FBN2: variants seen among roughly 807,000 people sequenced by gnomAD.
The protein encoded by FBN2 is fibrillin-2.
A neutral mutation model predicts 355.6 loss-of-function variants in FBN2; 105 were observed. The ratio of observed to expected loss-of-function variants is 0.30; its 90% confidence interval spans 0.25 to 0.35. FBN2 has a LOEUF of 0.35. FBN2 is among the 10% of genes least tolerant of loss of function. The probability of loss-of-function intolerance (pLI) is 1.00; values close to 1 mark genes in which losing one functional copy is unlikely to be tolerated. For synonymous variants in FBN2, 1,350 were observed against 1,301.2 expected, an observed-to-expected ratio of 1.04 and a Z score of -0.81; for missense variants, 3,280 against 3,758.7, an observed-to-expected ratio of 0.87 and a Z score of 3.33.
chr5:128,270,169 C>T (rs768861436), intron 62 of FBN2, among the ~76,000 whole-genome samples: 101 of 152,278 alleles, frequency 6.6e-4, no homozygotes, highest in Admixed American at 1.4e-3. Context: ...TGGACCCCTT[C>T]CTTACACCTT....
At chr5:128,432,098 A>G (rs1753642657) in intron 7 of FBN2, among the ~76,000 whole-genome samples, 1 of 152,148 alleles carries the variant, frequency 6.6e-6, no homozygotes, top group Non-Finnish European at 1.5e-5. Flanking sequence ...CTATTGAAAT[A>G]CCCTGAATCA....
intron 7 of FBN2, among the ~76,000 whole-genome samples, chr5:128,429,940 AC>A (rs1323891107): frequency 1.3e-5 from 2 of 152,196 alleles, no homozygotes; most frequent in Non-Finnish European, 2.9e-5. Context: ...CTGTTACAAA[AC>A]ATCTTCAAGC....
intron 5 of FBN2, among the ~76,000 whole-genome samples, chr5:128,492,405 C>T (rs1306686326): frequency 6.6e-6 from 1 of 152,140 alleles, no homozygotes; most frequent in Non-Finnish European, 1.5e-5. Flanking sequence ...TAGAGCACAC[C>T]TATTCTGCAC....
intron 11 of FBN2, among the ~76,000 whole-genome samples, chr5:128,382,592 T>G (rs1396115089): frequency 6.6e-6 from 1 of 152,006 alleles, no homozygotes; most frequent in Non-Finnish European, 1.5e-5. Context: ...CACCTAAAAC[T>G]CAGCATGTCC....
intron 5 of FBN2, among the ~76,000 whole-genome samples, chr5:128,475,170 A>T (rs1182853074): frequency 6.6e-6 from 1 of 152,156 alleles, no homozygotes; most frequent in Non-Finnish European, 1.5e-5. Flanking sequence ...GAGGCGCAAG[A>T]GCAAAGACAT....
chr5:128,480,173 T>C (rs965197599), intron 5 of FBN2, among the ~76,000 whole-genome samples: 2 of 143,618 alleles, frequency 1.4e-5, no homozygotes, highest in Non-Finnish European at 3.0e-5. Flanking sequence ...AGAATATATA[T>C]ATTATATATT....
chr5:128,290,329 C>T (rs936442645), intron 50 of FBN2, among the ~76,000 whole-genome samples: 2 of 152,128 alleles, frequency 1.3e-5, no homozygotes, highest in African/African-American at 4.8e-5. Flanking sequence ...CTGTAAAGGG[C>T]CATTGTGCTG....
chr5:128,338,444 C>T (rs902216729), intron 26 of FBN2, among the ~76,000 whole-genome samples: 34 of 152,082 alleles, frequency 2.2e-4, no homozygotes, highest in African/African-American at 7.2e-4. Context: ...GTGTCTGTAA[C>T]GCTAATCAGG....
chr5:128,502,226 A>G (rs1755837758), intron 5 of FBN2, among the ~76,000 whole-genome samples: 1 of 152,052 alleles, frequency 6.6e-6, no homozygotes, highest in South Asian at 2.1e-4. Flanking sequence ...TCCAAAATTA[A>G]GGAAGAAGTC....
In FBN2 at chr5:128,259,149, A is replaced by C. The variant is rs1764893117; in HGVS notation, c.*306T>G. On this transcript the variant is annotated 3_prime_UTR_variant, in exon 65 of 65. Coordinates refer to ENST00000262464, the MANE Select transcript of FBN2 (RefSeq NM_001999.4). The stretch of plus-strand genomic sequence containing the variant: ...CTAACAGGAAAAAAAAAAAAAGCTC[A>C]CATTATTTTTGTGCATTTAGTGCCA... 7.0e-6 allele frequency: 2 copies of C among 285,176 alleles called. No individual in the cohort carries two copies. Among genetic ancestry groups the C allele is most frequent in the South Asian group, 6.1e-5 (1 of 16,318 alleles). The allele number at this position is 285,176 out of a possible 1,614,324, so 17.7% of individuals were successfully genotyped here.
chr5:128,413,140 T>G (rs577902845), intron 7 of FBN2, among the ~76,000 whole-genome samples: 2 of 152,156 alleles, frequency 1.3e-5, no homozygotes, highest in South Asian at 4.1e-4. Flanking sequence ...AGCTAAAAAT[T>G]TGGGTATGAA....
intron 7 of FBN2, among the ~76,000 whole-genome samples, chr5:128,428,805 G>C (rs1753546418): frequency 6.6e-6 from 1 of 152,150 alleles, no homozygotes; most frequent in Non-Finnish European, 1.5e-5. Context: ...ATATATTTTT[G>C]TATGAGTGAT....
intron 62 of FBN2, 93 bp from the exon 63 acceptor site, chr5:128,263,749 G>T: frequency 2.5e-6 from 2 of 793,006 alleles, no homozygotes; most frequent in Non-Finnish European, 4.1e-6. Flanking sequence ...GTGATTTTAT[G>T]GCAGAAATAA....
intron 4 of FBN2, among the ~76,000 whole-genome samples, chr5:128,519,713 C>T (rs1041461956): frequency 1.3e-5 from 2 of 151,232 alleles, no homozygotes; most frequent in Admixed American, 1.3e-4. Context: ...ACTACTAACC[C>T]TATAATCTAT....
chr5:128,303,397 G>A (rs965186774), intron 45 of FBN2, among the ~76,000 whole-genome samples: 2 of 152,162 alleles, frequency 1.3e-5, no homozygotes, highest in Non-Finnish European at 2.9e-5. Flanking sequence ...CTTAATAATC[G>A]TAAATAAAAC....
Position 128,537,342 on chromosome 5 carries a change from C to G in FBN2, c.254+8G>C. 1 of 1,609,962 alleles carries G rather than the reference C, an allele frequency of 6.2e-7. No homozygotes were observed. Among genetic ancestry groups the G allele is most frequent in the Non-Finnish European group, 8.5e-7 (1 of 1,179,786 alleles). On this transcript the variant is annotated splice_region_variant and intron_variant, in intron 1 of 64. Coordinates refer to ENST00000262464, the MANE Select transcript of FBN2 (RefSeq NM_001999.4). ...GAGCCCTAGGTGCGGAGCCGCTTGC[C>G]CACTTACCCTCGGAGCACGTCCTGC... is the stretch of plus-strand genomic sequence containing the variant.
intron 62 of FBN2, among the ~76,000 whole-genome samples, chr5:128,271,022 T>A (rs983519819): frequency 6.6e-6 from 1 of 152,222 alleles, no homozygotes; most frequent in African/African-American, 2.4e-5. Flanking sequence ...TGGTAAAGCA[T>A]CTGTCTTTGA....
At chr5:128,394,353 A>G (rs2126980527) in intron 9 of FBN2, among the ~76,000 whole-genome samples, 1 of 152,290 alleles carries the variant, frequency 6.6e-6, no homozygotes, top group Non-Finnish European at 1.5e-5. Flanking sequence ...CCAATATAGC[A>G]TCATTTATAT....
chr5:128,311,800 G>A, intron 38 of FBN2, 85 bp downstream of exon 38: 1 of 944,306 alleles, frequency 1.1e-6, no homozygotes, highest in Non-Finnish European at 1.7e-6. Context: ...TGTCGGGGCT[G>A]CTCTGCCCTA....
Sources: allele counts gnomAD v4.1 joint callset (sites outside exome capture counted in the v4.1 genomes callset), GRCh38; gene constraint gnomAD v4.1.1; transcripts MANE v1.5; gene names NCBI Gene and HGNC (gene_info 2026-07-23, HGNC 2026-07-21).